The following FGGY variants were observed in gnomAD, a reference collection of about 807,000 sequenced individuals.
The protein encoded by FGGY is FGGY carbohydrate kinase domain-containing protein.
FGGY carries 72 observed loss-of-function variants against 71.3 expected under a neutral mutation model. The observed-to-expected ratio is 1.01, with a 90% CI of 0.84 to 1.23. The LOEUF is 1.23. Among genes scored for constraint, FGGY ranks in the 50% most tolerant of loss-of-function variants. The probability of loss-of-function intolerance (pLI) is 0.00; values close to 1 mark genes in which losing one functional copy is unlikely to be tolerated. For missense variants in FGGY, 668 were observed against 682.3 expected, an observed-to-expected ratio of 0.98 and a Z score of 0.23; for synonymous variants, 251 against 250.3, an observed-to-expected ratio of 1.00 and a Z score of -0.02.
At chr1:59,316,048 G>A (rs919968696) in intron 1 of FGGY, 4 of 152,142 alleles carry the variant, frequency 2.6e-5, no homozygotes, top group Admixed American at 2.6e-4. Flanking sequence ...CCATCTTAGA[G>A]CATGTAAAAA....
upstream of FGGY, chr1:59,297,026 T>G (rs1351565878): frequency 6.5e-6 from 1 of 153,390 alleles, no homozygotes; most frequent in African/African-American, 2.4e-5. Flanking sequence ...TCCTTCCCCT[T>G]TCCCGCAGTC....
chr1:59,345,769 G>A (rs1017870118), intron 3 of FGGY, among the ~76,000 whole-genome samples: 3 of 151,338 alleles, frequency 2.0e-5, no homozygotes, highest in African/African-American at 7.3e-5. Context: ...ACCAGAAAAA[G>A]TGGGAATATA....
intron 11 of FGGY, among the ~76,000 whole-genome samples, chr1:59,653,085 C>T (rs1024628348): frequency 6.6e-6 from 1 of 152,200 alleles, no homozygotes; most frequent in Non-Finnish European, 1.5e-5. Context: ...GTTCAGCGAC[C>T]CACTTGAGGA....
intron 15 of FGGY, among the ~76,000 whole-genome samples, chr1:59,759,154 C>G (rs893986780): frequency 5.9e-5 from 9 of 152,174 alleles, no homozygotes; most frequent in Non-Finnish European, 1.0e-4. Flanking sequence ...GCAAATTCCA[C>G]TTAACATGAT....
At chr1:59,319,900 G>A (rs1245058321) in intron 1 of FGGY, among the ~76,000 whole-genome samples, 1 of 152,180 alleles carries the variant, frequency 6.6e-6, no homozygotes, top group African/African-American at 2.4e-5. Context: ...GGTGGGGCAA[G>A]GGCGATCTTT....
chr1:59,538,783 G>T (rs895574671), intron 7 of FGGY, among the ~76,000 whole-genome samples: 1 of 147,084 alleles, frequency 6.8e-6, no homozygotes, highest in Admixed American at 7.0e-5. Flanking sequence ...CTCATAGGTG[G>T]GAATTGAACA....
chr1:59,391,362 A>G (rs1486906379), intron 5 of FGGY, among the ~76,000 whole-genome samples: 1 of 152,124 alleles, frequency 6.6e-6, no homozygotes, highest in African/African-American at 2.4e-5. Context: ...GGGGAGTCGG[A>G]GGGAGTAGGA....
intron 8 of FGGY, among the ~76,000 whole-genome samples, chr1:59,578,631 T>A (rs1434227603): frequency 2.6e-5 from 4 of 152,086 alleles, no homozygotes; most frequent in African/African-American, 9.7e-5. Context: ...ACTTTTATAA[T>A]TGAAGAGTGT....
chr1:59,473,255 G>A lies in FGGY; in HGVS notation c.670+16179G>A, dbSNP rs928542675. Among the ~76,000 whole-genome samples, 7 of 150,794 alleles carry A rather than the reference G, an allele frequency of 4.6e-5. No homozygotes were observed. The South Asian group carries it at 8.6e-4, about 19-fold the overall frequency. ...AGACCACGAACCCACCGGGAGGAAC[G>A]AACAACTCCAGACGCGCCGGCTTAA... On this transcript the variant is annotated intron_variant, in intron 6 of 15. Transcript: ENST00000303721.
chr1:59,485,690 GTTAAA>G (rs1225077590), intron 6 of FGGY, among the ~76,000 whole-genome samples: 2 of 152,196 alleles, frequency 1.3e-5, no homozygotes, highest in African/African-American at 4.8e-5. Flanking sequence ...GAAAACAACA[GTTAAA>G]TTAAGGTAGT....
intron 7 of FGGY, among the ~76,000 whole-genome samples, chr1:59,542,338 G>A (rs1412280400): frequency 6.8e-6 from 1 of 147,692 alleles, no homozygotes; most frequent in African/African-American, 2.5e-5. Context: ...CTCTGTAAAT[G>A]TTTACTGAAT....
chr1:59,373,870 G>A (rs1038522672), intron 4 of FGGY, among the ~76,000 whole-genome samples: 1 of 152,192 alleles, frequency 6.6e-6, no homozygotes, highest in Non-Finnish European at 1.5e-5. Flanking sequence ...GCTGAAACTG[G>A]ATCCCTTCCT....
rs545509542 is a variant in FGGY, at chr1:59,364,228, G to A, written c.466-14521G>A. Reference sequence around the variant, plus strand: ...CATTGGTACTTGGCAGCAATTCAGTGGTGCTGCACTGACCTGGGAGTCCAA... The same window carrying A: ...CATTGGTACTTGGCAGCAATTCAGTAGTGCTGCACTGACCTGGGAGTCCAA... On this transcript the variant is annotated intron_variant, in intron 4 of 15. Transcript: ENST00000303721. Among the ~76,000 whole-genome samples, 6 of 152,258 alleles carry A rather than the reference G, an allele frequency of 3.9e-5. No individual in the cohort carries two copies. In the South Asian group the frequency reaches 1.2e-3, roughly 32 times the overall value.
intron 14 of FGGY, chr1:59,755,767 T>C (rs1213496029): frequency 6.6e-6 from 1 of 152,174 alleles, no homozygotes; most frequent in Non-Finnish European, 1.5e-5. Flanking sequence ...GTACCTTCTA[T>C]AATAGAAGTT....
intron 4 of FGGY, among the ~76,000 whole-genome samples, chr1:59,352,274 G>T (rs2053461372): frequency 2.6e-5 from 4 of 152,216 alleles, no homozygotes; most frequent in Admixed American, 2.6e-4. Flanking sequence ...AGCTGATGTG[G>T]ATCCTGACAG....
At chr1:59,435,697 ACTTT>A (rs2068274744) in intron 5 of FGGY, among the ~76,000 whole-genome samples, 1 of 149,806 alleles carries the variant, frequency 6.7e-6, no homozygotes, top group South Asian at 2.1e-4. Flanking sequence ...CTACTGGGTC[ACTTT>A]CTTCTTTGCC....
chr1:59,344,210 T>C (rs2051294817), intron 3 of FGGY, among the ~76,000 whole-genome samples: 1 of 152,006 alleles, frequency 6.6e-6, no homozygotes, highest in Non-Finnish European at 1.5e-5. Context: ...GGAGCTTTTG[T>C]GGGAGGTGAT....
intron 13 of FGGY, 162 bp from the exon 14 acceptor site, chr1:59,673,877 C>T (rs1333347491): frequency 1.8e-5 from 11 of 601,456 alleles, no homozygotes; most frequent in Non-Finnish European, 2.7e-5. Flanking sequence ...TCTTTTAGAA[C>T]CAAATAATCC....
intron 4 of FGGY, among the ~76,000 whole-genome samples, chr1:59,375,628 A>G (rs1389455698): frequency 6.6e-6 from 1 of 152,190 alleles, no homozygotes; most frequent in African/African-American, 2.4e-5. Context: ...CACATGTGTT[A>G]TCTCCTTAGA....
Sources: allele counts gnomAD v4.1 joint callset (sites outside exome capture counted in the v4.1 genomes callset), GRCh38; gene constraint gnomAD v4.1.1; transcripts MANE v1.5; gene names NCBI Gene and HGNC (gene_info 2026-07-23, HGNC 2026-07-21).